The following PHF24 variants were observed in gnomAD, a reference collection of about 807,000 sequenced individuals.
PHF24 encodes Galpha inhibitory interacting protein.
PHF24 carries 25 observed loss-of-function variants against 42.6 expected under a neutral mutation model. The observed-to-expected ratio is 0.59, with a 90% CI of 0.43 to 0.82. PHF24 has a LOEUF of 0.82. Ranked by LOEUF, PHF24 falls within the 40% of genes least tolerant of loss-of-function variation. The pLI is 0.00. For missense variants in PHF24, 470 were observed against 538.1 expected, an observed-to-expected ratio of 0.87 and a Z score of 1.25; for synonymous variants, 185 against 204.8, an observed-to-expected ratio of 0.90 and a Z score of 0.83.
At chr9:34,712,510 G>A in the PHF24 span, among the ~76,000 whole-genome samples, 1 of 151,728 alleles carries the variant, frequency 6.6e-6, no homozygotes, top group Admixed American at 6.6e-5. Context: ...CAAGAATACT[G>A]ATCCTTTTTT....
chr9:34,919,800 C>T, the PHF24 span, among the ~76,000 whole-genome samples: 1 of 151,090 alleles, frequency 6.6e-6, no homozygotes, highest in Non-Finnish European at 1.5e-5. Context: ...TGAGAACATG[C>T]AAAGTTTGTC....
the PHF24 span, chr9:34,922,326 G>A: frequency 2.5e-6 from 4 of 1,587,024 alleles, no homozygotes; most frequent in African/African-American, 5.4e-5. Flanking sequence ...TTCAGCAATG[G>A]CTTCATCAAA....
At chr9:34,928,372 T>A in the PHF24 span, among the ~76,000 whole-genome samples, 1 of 152,190 alleles carries the variant, frequency 6.6e-6, no homozygotes, top group Non-Finnish European at 1.5e-5. Context: ...TTCTCCATGA[T>A]GTGATTATTA....
chr9:34,690,995 T>C, the PHF24 span: 1 of 1,096,186 alleles, frequency 9.1e-7, no homozygotes, highest in Non-Finnish European at 1.3e-6. Flanking sequence ...GAACTCACCA[T>C]GTCCCTTACG....
chr9:34,860,687 AGT>A, the PHF24 span, among the ~76,000 whole-genome samples: 32 of 149,888 alleles, frequency 2.1e-4, no homozygotes, highest in South Asian at 4.2e-4. Flanking sequence ...GACCTTTAAA[AGT>A]GTGTGTGTGT....
chr9:34,852,960 C>G, the PHF24 span, among the ~76,000 whole-genome samples: 1 of 152,132 alleles, frequency 6.6e-6, no homozygotes, highest in Non-Finnish European at 1.5e-5. Flanking sequence ...AAGTTTTCTC[C>G]TATTATTTAT....
At chr9:34,758,985 C>T in the PHF24 span, among the ~76,000 whole-genome samples, 4 of 152,074 alleles carry the variant, frequency 2.6e-5, no homozygotes, top group Non-Finnish European at 4.4e-5. The surrounding 1 kb of genome is among the most constrained non-coding windows in gnomAD (Gnocchi z 4.4). Flanking sequence ...TCACCACAGG[C>T]GCATCTCCAC....
chr9:34,849,888 T>C, the PHF24 span, among the ~76,000 whole-genome samples: 1 of 152,138 alleles, frequency 6.6e-6, no homozygotes, highest in Non-Finnish European at 1.5e-5. Context: ...TATGAAATTC[T>C]GGGTTGAAAA....
the PHF24 span, among the ~76,000 whole-genome samples, chr9:34,934,828 C>T: frequency 1.7e-4 from 26 of 152,264 alleles, no homozygotes; most frequent in African/African-American, 6.0e-4. Flanking sequence ...ATGTAGCAGT[C>T]ATGACAATGA....
At chr9:34,833,871 T>C in the PHF24 span, 1 of 1,550,816 alleles carries the variant, frequency 6.4e-7, no homozygotes, top group Admixed American at 2.0e-5. Flanking sequence ...TCCATCTCTG[T>C]GATGACAGAT....
the PHF24 span, among the ~76,000 whole-genome samples, chr9:34,748,836 A>G: frequency 6.6e-6 from 1 of 152,194 alleles, no homozygotes; most frequent in African/African-American, 2.4e-5. Context: ...CCAGGAAAAC[A>G]TGACCTCACC....
the PHF24 span, chr9:34,665,995 A>G: frequency 7.3e-6 from 3 of 411,494 alleles, 1 homozygote; most frequent in South Asian, 8.1e-5. Context: ...GGGGGCTGAG[A>G]GGGGTCAGCG....
chr9:34,919,012 G>A, the PHF24 span, among the ~76,000 whole-genome samples: 13 of 152,122 alleles, frequency 8.5e-5, no homozygotes, highest in African/African-American at 2.2e-4. Flanking sequence ...TTTCACAAAC[G>A]TTTGATTTTA....
chr9:34,752,933 A>C, the PHF24 span, among the ~76,000 whole-genome samples: 2 of 152,198 alleles, frequency 1.3e-5, no homozygotes, highest in Non-Finnish European at 2.9e-5. Flanking sequence ...GAAGGACCAA[A>C]TCATGTGATC....
exon 5 of PHF24, chr9:34,976,582 G>A: frequency 6.2e-7 from 1 of 1,614,164 alleles, no homozygotes; most frequent in Non-Finnish European, 8.5e-7. Context: ...CCACCAAGCA[G>A]CCAAGCGGGG....
At chr9:34,867,833 A>G in the PHF24 span, among the ~76,000 whole-genome samples, 1 of 152,158 alleles carries the variant, frequency 6.6e-6, no homozygotes, top group Admixed American at 6.5e-5. Flanking sequence ...TCAGGAACCA[A>G]TTGTCAACCA....
chr9:34,842,669 C>T, the PHF24 span, among the ~76,000 whole-genome samples: 5 of 152,292 alleles, frequency 3.3e-5, no homozygotes, highest in Admixed American at 2.6e-4. Context: ...GCCAGCACCT[C>T]GATCTTGTAC....
chr9:34,716,550 G>GTTTGT, the PHF24 span, among the ~76,000 whole-genome samples: 7 of 138,186 alleles, frequency 5.1e-5, no homozygotes, highest in Non-Finnish European at 7.8e-5. Flanking sequence ...CTCCTTTTTT[G>GTTTGT]TTTGTTTTGT....
At chr9:34,682,660 G>C in the PHF24 span, among the ~76,000 whole-genome samples, 1 of 152,060 alleles carries the variant, frequency 6.6e-6, no homozygotes, top group Non-Finnish European at 1.5e-5. Context: ...CTTGGTTACT[G>C]GTAGACTTTG....
Sources: allele counts gnomAD v4.1 joint callset (sites outside exome capture counted in the v4.1 genomes callset), GRCh38; gene constraint gnomAD v4.1.1; non-coding constraint Gnocchi (gnomAD v3.1); transcripts MANE v1.5; gene names NCBI Gene and HGNC (gene_info 2026-07-23, HGNC 2026-07-21).